Variants in SCLT1 observed in about 807,000 individuals in gnomAD.
SCLT1 encodes sodium channel and clathrin linker 1.
A neutral mutation model predicts 112.8 loss-of-function variants in SCLT1; 78 were observed. The ratio of observed to expected loss-of-function variants is 0.69; its 90% CI spans 0.58 to 0.83. The LOEUF (loss-of-function observed/expected upper bound fraction) is 0.83. Ranked by LOEUF, SCLT1 falls within the 40% of genes least tolerant of loss-of-function variation. SCLT1 has a pLI of 0.00. For missense variants in SCLT1, 747 were observed against 770.4 expected (o/e 0.97, Z 0.36); for synonymous variants, 257 against 254.7 (o/e 1.01, Z -0.09).
chr4:128,994,753 T>A (rs1025548083), intron 8 of SCLT1, among the ~76,000 whole-genome samples: 1 of 152,134 alleles, frequency 6.6e-6, no homozygotes. Flanking sequence ...TATTTATGTT[T>A]CCCTAATGTT....
chr4:129,025,716 A>G (rs1745995931), intron 5 of SCLT1, among the ~76,000 whole-genome samples: 5 of 152,194 alleles, frequency 3.3e-5, no homozygotes. Flanking sequence ...CTTTAAATGC[A>G]AATGGACTAA....
chr4:128,983,361 T>C (rs1741833752), intron 9 of SCLT1, among the ~76,000 whole-genome samples: 1 of 152,102 alleles, frequency 6.6e-6, no homozygotes, highest in South Asian at 2.1e-4. Flanking sequence ...ATATTATAAA[T>C]AAATGTATAA....
At chr4:128,926,784 A>G (rs1225236038) in intron 18 of SCLT1, among the ~76,000 whole-genome samples, 1 of 152,066 alleles carries the variant, frequency 6.6e-6, no homozygotes, top group East Asian at 1.9e-4. Context: ...ATGAATAGTA[A>G]TTAACCTATC....
At position 128,936,650 on chromosome 4, in the gene SCLT1, CTTACT is replaced by C. The variant is rs1414478623; in HGVS notation, c.1829_1829+4del. ...AACATGTCAAACAACTAACAGTAGA[CTTACT>C]TTAGATTATTGATTCTAATTTCTGC... On this transcript the variant is annotated splice_donor_variant and splice_donor_region_variant and coding_sequence_variant and intron_variant, in exon 18 of 21. Coordinates refer to ENST00000281142, the MANE Select transcript of SCLT1 (RefSeq NM_144643.4). LOFTEE classifies it high-confidence loss of function. The C allele has an allele frequency of 6.4e-7, 1 of 1,559,220 alleles. No individual in the cohort carries two copies. The highest frequency in any genetic ancestry group is 8.7e-7 in the Non-Finnish European group (1 of 1,144,776).
rs758119135 is a variant in SCLT1 at position 128,970,375 on chromosome 4, T to C, written c.777+3A>G. On this transcript the variant is annotated splice_donor_region_variant and intron_variant, in intron 10 of 20. Coordinates refer to ENST00000281142, the MANE Select transcript of SCLT1 (RefSeq NM_144643.4). ...ACCCATTTGTCTTAGAAATAGAAAA[T>C]ACCTTCTTTTTCATCTGTCCCTGCA... 25 of 1,529,678 alleles carry C rather than the reference T, an allele frequency of 1.6e-5. No individual in the cohort carries two copies. The highest frequency in any genetic ancestry group is 3.4e-5 in the Admixed American group (2 of 59,598). The allele number at this position is 1,529,678 out of a possible 1,614,324, so 94.8% of individuals were successfully genotyped here.
chr4:128,885,594 T>C (rs1732833295), intron 20 of SCLT1, among the ~76,000 whole-genome samples: 1 of 152,238 alleles, frequency 6.6e-6, no homozygotes, highest in African/African-American at 2.4e-5. Context: ...GGTATTTGTA[T>C]GGTTTTTAAT....
At chr4:128,923,013 T>C (rs1456122463) in intron 18 of SCLT1, among the ~76,000 whole-genome samples, 3 of 152,206 alleles carry the variant, frequency 2.0e-5, no homozygotes, top group Non-Finnish European at 4.4e-5. Flanking sequence ...CAGTGAATCA[T>C]GCAAAGGCAA....
At chr4:128,997,594 A>T (rs957716872) in intron 8 of SCLT1, among the ~76,000 whole-genome samples, 1 of 151,850 alleles carries the variant, frequency 6.6e-6, no homozygotes. Flanking sequence ...AAAATTAAGC[A>T]TGTACTCTAC....
intron 11 of SCLT1, among the ~76,000 whole-genome samples, chr4:128,962,741 T>C (rs1317380092): frequency 1.3e-5 from 2 of 152,212 alleles, no homozygotes; most frequent in Non-Finnish European, 2.9e-5. Flanking sequence ...CTTTGAAACA[T>C]TCCTCATTAA....
chr4:128,907,199 T>TA (rs2125941844), intron 18 of SCLT1, among the ~76,000 whole-genome samples: 1 of 152,172 alleles, frequency 6.6e-6, no homozygotes, highest in South Asian at 2.1e-4. Flanking sequence ...CAAAGAACCT[T>TA]ATAAGTCGTA....
rs1733280927 is a variant in SCLT1 at position 128,891,130 on chromosome 4, G to A, written c.1837C>T (p.Leu613=). The change falls in exon 19 of 21, where the codon CTG becomes TTG. Residue 613 remains leucine (L), a synonymous_variant. Transcript: ENST00000281142. ...EIRINNLKSE[L]SRQKLHTQEL... ...TGGGTATGAAGTTTCTGTCGACTCA[G>A]CTCACTCCTATTAAGAGCACCAAAA... 1 of 1,611,254 alleles carries A rather than the reference G, an allele frequency of 6.2e-7. No individual in the cohort carries two copies. Among genetic ancestry groups the A allele is most frequent in the Admixed American group, 1.7e-5 (1 of 59,808 alleles).
At chr4:129,065,189 T>A (rs1750369450) in intron 2 of SCLT1, among the ~76,000 whole-genome samples, 1 of 152,040 alleles carries the variant, frequency 6.6e-6, no homozygotes, top group Non-Finnish European at 1.5e-5. Context: ...CGGATTTAAC[T>A]CCTTCACTTA....
At chr4:129,020,472 G>A (rs1019644672) in intron 5 of SCLT1, among the ~76,000 whole-genome samples, 1 of 152,208 alleles carries the variant, frequency 6.6e-6, no homozygotes, top group African/African-American at 2.4e-5. Context: ...GGTATAAAGA[G>A]CTTTGACAAA....
intron 18 of SCLT1, among the ~76,000 whole-genome samples, chr4:128,905,435 G>A (rs969785456): frequency 6.6e-6 from 1 of 152,000 alleles, no homozygotes; most frequent in African/African-American, 2.4e-5. Flanking sequence ...TCCCTCTCTA[G>A]TCTATTTTCC....
At position 128,959,601 on chromosome 4, in the gene SCLT1, T is replaced by A; in HGVS notation, c.1046A>T (p.Gln349Leu). ...LLEEANLQKS[Q>L]ALLEEKQKEE... The stretch of plus-strand genomic sequence containing the variant: ...AAACATATTTACTAGCTTTCTTACC[T>A]GACTTTTTTGAAGGTTAGCTTCTTC... Residue 349 changes from glutamine (Q) to leucine (L), a missense_variant and splice_region_variant, in exon 12 of 21, where the codon CAG becomes CTG. Physicochemically the swap from Gln to Leu is moderately radical, Grantham distance 113. This residue lies in a region of SCLT1 where 723 missense variants were observed against 721.3 expected (regional missense o/e 1.00). Transcript: ENST00000281142. 6.2e-7 allele frequency: 1 copy of A among 1,611,330 alleles called. No homozygotes were observed. Among genetic ancestry groups the A allele is most frequent in the Non-Finnish European group, 8.5e-7 (1 of 1,178,230 alleles).
At chr4:129,030,210 T>G (rs1746576236) in intron 5 of SCLT1, among the ~76,000 whole-genome samples, 1 of 152,138 alleles carries the variant, frequency 6.6e-6, no homozygotes, top group Non-Finnish European at 1.5e-5. Flanking sequence ...CCTGAATGAC[T>G]ACTGCGTAAA....
intron 18 of SCLT1, among the ~76,000 whole-genome samples, chr4:128,931,038 G>A (rs1267684191): frequency 6.6e-6 from 1 of 151,786 alleles, no homozygotes; most frequent in East Asian, 1.9e-4. Context: ...GAGAAGAAGA[G>A]GAAATGAGAA....
intron 2 of SCLT1, among the ~76,000 whole-genome samples, chr4:129,069,924 T>C (rs547450167): frequency 1.3e-4 from 20 of 152,288 alleles, no homozygotes; most frequent in Admixed American, 1.2e-3. Context: ...TTGAGGTATG[T>C]CCCTTGTATG....
chr4:128,902,828 A>G (rs2125937057), intron 18 of SCLT1, among the ~76,000 whole-genome samples: 1 of 152,306 alleles, frequency 6.6e-6, no homozygotes, highest in African/African-American at 2.4e-5. Flanking sequence ...CTGTACAAAA[A>G]TATTTTTTCT....
Sources: gnomAD v4.1 joint callset for allele counts (sites outside exome capture counted in the v4.1 genomes callset) on GRCh38, gnomAD v4.1.1 for gene constraint, gnomAD v4.1.1 regional missense constraint, MANE v1.5 for transcripts, NCBI Gene and HGNC (gene_info 2026-07-23, HGNC 2026-07-21) for gene names.